Variants in INPP4B observed in about 807,000 individuals in gnomAD.
The protein encoded by INPP4B is inositol polyphosphate 4-phosphatase type II.
Under a neutral mutation model 122.5 loss-of-function variants are expected in INPP4B, and 55 were observed. That is an observed-to-expected ratio of 0.45 (90% CI 0.36 to 0.56). The LOEUF is 0.56. Ranked by LOEUF, INPP4B falls within the 20% of genes least tolerant of loss-of-function variation. The pLI, the probability that INPP4B is intolerant of heterozygous loss-of-function variation, is 0.00. For missense variants in INPP4B, 1,000 were observed against 1,097.7 expected (o/e 0.91, Z 1.26); for synonymous variants, 403 against 388.7 (o/e 1.04, Z -0.43).
intron 23 of INPP4B, among the ~76,000 whole-genome samples, chr4:142,090,977 C>T (rs12509457): frequency 0.25 from 38,104 of 151,724 alleles, 4,844 homozygotes; most frequent in East Asian, 0.3. Context: ...ATAATATAGT[C>T]AAATGTGCAA....
intron 2 of INPP4B, among the ~76,000 whole-genome samples, chr4:142,471,607 C>T (rs867068226): frequency 6.6e-6 from 1 of 152,210 alleles, no homozygotes; most frequent in East Asian, 1.9e-4. Flanking sequence ...AGAAATGACG[C>T]CTTTGCCAGC....
rs112578067 is a variant in INPP4B at position 142,245,855 on chromosome 4, C to CAT, written c.689-7846_689-7845dup. 6.5e-3 allele frequency among the ~76,000 whole-genome samples: 155 copies of CAT among 23,996 alleles called. 12 individuals are homozygous for CAT. The highest frequency in any genetic ancestry group is 0.015 in the African/African-American group (150 of 10,182). The allele number at this position is 23,996 out of a possible 152,430, so 15.7% of individuals were successfully genotyped here. ...GTATACATATATATGTGTATGTATA[C>CAT]ATATATGTGTATGTATACATATATA... is the stretch of plus-strand genomic sequence containing the variant. On this transcript the variant is annotated intron_variant, in intron 11 of 25. Coordinates refer to ENST00000262992, the MANE Select transcript of INPP4B (RefSeq NM_001101669.3).
chr4:142,688,817 C>T (rs1016615266), intron 2 of INPP4B, among the ~76,000 whole-genome samples: 2 of 152,164 alleles, frequency 1.3e-5, no homozygotes, highest in East Asian at 1.9e-4. Context: ...CTAAATTGCT[C>T]GTGGGGATAC....
At chr4:142,086,076 G>T in intron 24 of INPP4B, 68 bp downstream of exon 24, 1 of 1,061,346 alleles carries the variant, frequency 9.4e-7, no homozygotes, top group Non-Finnish European at 1.5e-6. Context: ...ACCCTGCACA[G>T]TAGAGAACTG....
At chr4:142,187,961 G>GA (rs1397063469) in intron 15 of INPP4B, among the ~76,000 whole-genome samples, 1 of 151,504 alleles carries the variant, frequency 6.6e-6, no homozygotes, top group Non-Finnish European at 1.5e-5. Context: ...ATTTTTAACA[G>GA]AAAAAAATAT....
chr4:142,307,645 G>A (rs1386391854), intron 8 of INPP4B, among the ~76,000 whole-genome samples: 2 of 152,150 alleles, frequency 1.3e-5, no homozygotes, highest in African/African-American at 2.4e-5. Flanking sequence ...TATGCAGATC[G>A]TATACTGCTG....
Position 142,238,099 on chromosome 4 carries a change from G to A in INPP4B, c.689-88C>T, listed in dbSNP as rs1249140448. 8.8e-6 allele frequency: 5 copies of A among 567,396 alleles called. No individual in the cohort carries two copies. In the East Asian group the frequency reaches 9.3e-5, roughly 11 times the overall value. The allele number at this position is 567,396 out of a possible 1,614,324, so 35.1% of individuals were successfully genotyped here. On this transcript the variant is annotated intron_variant, in intron 11 of 25. Coordinates refer to ENST00000262992, the MANE Select transcript of INPP4B (RefSeq NM_001101669.3). ...ATTAATAAAACCATTAATCAAGATG[G>A]CATTTTTATTATTCATTTGATCCAA...
At chr4:142,472,167 A>G (rs1818950784) in intron 2 of INPP4B, among the ~76,000 whole-genome samples, 2 of 152,152 alleles carry the variant, frequency 1.3e-5, no homozygotes, top group African/African-American at 4.8e-5. Context: ...ATTCTTTGGA[A>G]AAGTATGTCT....
At chr4:142,783,831 G>T (rs1775290134) in intron 1 of INPP4B, among the ~76,000 whole-genome samples, 1 of 152,020 alleles carries the variant, frequency 6.6e-6, no homozygotes. Flanking sequence ...ACTAGATTCT[G>T]GGTGGCAAAT....
At chr4:142,480,592 C>T (rs1265984755) in intron 2 of INPP4B, among the ~76,000 whole-genome samples, 1 of 152,146 alleles carries the variant, frequency 6.6e-6, no homozygotes, top group Non-Finnish European at 1.5e-5. Context: ...CACCGTAGTC[C>T]ACTATAGTTA....
At chr4:142,155,673 G>T (rs1049107203) in intron 17 of INPP4B, among the ~76,000 whole-genome samples, 1 of 152,030 alleles carries the variant, frequency 6.6e-6, no homozygotes, top group Non-Finnish European at 1.5e-5. Flanking sequence ...GCAGCCTCAG[G>T]CATAAATGGG....
intron 2 of INPP4B, among the ~76,000 whole-genome samples, chr4:142,580,972 T>C (rs1734930799): frequency 6.6e-6 from 1 of 152,032 alleles, no homozygotes; most frequent in Admixed American, 6.6e-5. Flanking sequence ...ATAGGATTTA[T>C]CCTTAGAGCA....
chr4:142,237,190 C>A (rs1857036502), intron 12 of INPP4B, among the ~76,000 whole-genome samples: 1 of 152,054 alleles, frequency 6.6e-6, no homozygotes. Context: ...TAATAAATTT[C>A]TGAAAGTCTC....
intron 11 of INPP4B, among the ~76,000 whole-genome samples, chr4:142,248,336 C>CTCT (rs756252445): frequency 1.0e-3 from 109 of 106,364 alleles, no homozygotes; most frequent in East Asian, 2.0e-3. Flanking sequence ...CTCTCTCTCT[C>CTCT]TTTTTTTTTT....
At chr4:142,068,240 A>T (rs1404243507) in intron 25 of INPP4B, among the ~76,000 whole-genome samples, 1 of 152,164 alleles carries the variant, frequency 6.6e-6, no homozygotes, top group Non-Finnish European at 1.5e-5. Context: ...TAAGCTTCAT[A>T]AGTGAAGGAG....
chr4:142,028,769 C>T lies in INPP4B; in HGVS notation c.*13G>A. ...ATGTATTTGTGTTCCTGTTTATTAACATGTTGGTAAACTTAGGTGTCAGCT... is the reference window on the plus strand; with the variant it reads ...ATGTATTTGTGTTCCTGTTTATTAATATGTTGGTAAACTTAGGTGTCAGCT... On this transcript the variant is annotated 3_prime_UTR_variant, in exon 26 of 26. Transcript: ENST00000262992. The T allele has an allele frequency of 6.2e-7, 1 of 1,602,314 alleles. No individual in the cohort carries two copies. Among genetic ancestry groups the T allele is most frequent in the Non-Finnish European group, 8.5e-7 (1 of 1,176,404 alleles).
At chr4:142,594,286 A>G (rs187076580) in intron 2 of INPP4B, among the ~76,000 whole-genome samples, 48 of 152,242 alleles carry the variant, frequency 3.2e-4, no homozygotes, top group African/African-American at 9.6e-4. Context: ...AAATGTGTTT[A>G]CTGAGGCAAA....
At chr4:142,543,622 A>G (rs1227400490) in intron 2 of INPP4B, among the ~76,000 whole-genome samples, 4 of 152,110 alleles carry the variant, frequency 2.6e-5, no homozygotes, top group African/African-American at 7.2e-5. Flanking sequence ...AATGACGTTC[A>G]GTAATGTTTG....
chr4:142,310,062 G>A (rs192537608), intron 8 of INPP4B, among the ~76,000 whole-genome samples: 2 of 152,138 alleles, frequency 1.3e-5, no homozygotes, highest in East Asian at 1.9e-4. Flanking sequence ...CATACATATG[G>A]CCACAGCTGG....
Sources: gnomAD v4.1 joint callset for allele counts (sites outside exome capture counted in the v4.1 genomes callset) on GRCh38, gnomAD v4.1.1 for gene constraint, MANE v1.5 for transcripts, NCBI Gene and HGNC (gene_info 2026-07-23, HGNC 2026-07-21) for gene names.